The following TGFBR3L variants were observed in gnomAD, a reference collection of about 807,000 sequenced individuals.
TGFBR3L encodes transforming growth factor beta receptor 3 like, also known as transforming growth factor-beta receptor type 3-like protein.
TGFBR3L carries 21 observed loss-of-function variants against 20.4 expected under a neutral mutation model. The observed-to-expected ratio is 1.03, with a 90% CI of 0.73 to 1.48. The LOEUF (loss-of-function observed/expected upper bound fraction) is 1.48. Among genes scored for constraint, TGFBR3L ranks in the 40% most tolerant of loss-of-function variants. The pLI is 0.00. For synonymous variants in TGFBR3L, 245 were observed against 244.2 expected (o/e 1.00, Z -0.03); for missense variants, 479 against 498.0 (o/e 0.96, Z 0.36).
chr19:7,917,864 C>G lies in TGFBR3L; in HGVS notation c.883+5C>G. 7.3e-7 allele frequency: 1 copy of G among 1,370,528 alleles called. No homozygotes were observed. Among genetic ancestry groups the G allele is most frequent in the Non-Finnish European group, 9.4e-7 (1 of 1,069,212 alleles). The allele number at this position is 1,370,528 out of a possible 1,614,324, so 84.9% of individuals were successfully genotyped here. On this transcript the variant is annotated splice_donor_5th_base_variant and intron_variant, in intron 4 of 5. Coordinates refer to ENST00000565886, the MANE Select transcript of TGFBR3L (RefSeq NM_001195259.2). Reference sequence around the variant, plus strand: ...GTCTCGTCTGTGCGCACTCAGGTACCGACGACCTCCGCCAAGCCGGGCCCC... The same window carrying G: ...GTCTCGTCTGTGCGCACTCAGGTACGGACGACCTCCGCCAAGCCGGGCCCC...
Position 7,915,304 on chromosome 19 carries a change from G to T in TGFBR3L, c.-964G>T, listed in dbSNP as rs1983230997. 6.6e-6 allele frequency among the ~76,000 whole-genome samples: 1 copy of T among 152,132 alleles called. No individual in the cohort carries two copies. The highest frequency in any genetic ancestry group is 1.5e-5 in the Non-Finnish European group (1 of 68,026). ...GTCACTCTCTTTCAACTAGACCTTT[G>T]GTGGTGGTCCTCATGGGGGTGGGGA... On this transcript the variant is annotated 5_prime_UTR_variant, in exon 1 of 6. Transcript: ENST00000565886.
At position 7,916,687 on chromosome 19, in the gene TGFBR3L, C is replaced by T. The variant is rs531499048; in HGVS notation, c.342C>T (p.Ser114=). 3.7e-5 allele frequency: 53 copies of T among 1,432,570 alleles called. No homozygotes were observed. In the South Asian group the frequency reaches 7.3e-4, roughly 20 times the overall value. 88.7% of individuals were successfully genotyped at this position (1,432,570 alleles called of 1,614,324 possible). Residue 114 remains serine, a synonymous_variant, in exon 2 of 6, where the codon TCC becomes TCT. Coordinates refer to ENST00000565886, the MANE Select transcript of TGFBR3L (RefSeq NM_001195259.2). ...TGCACCGCTGCTCAGTGACGCCGTC[C>T]TCACGCCCGGCCCCGGGGCCCGCCC...
chr19:7,916,643 C>T lies in TGFBR3L; in HGVS notation c.298C>T (p.Pro100Ser). Residue 100 changes from proline (P) to serine (S), a missense_variant, in exon 2 of 6, where the codon CCG becomes TCG. Pro to Ser is a moderately conservative substitution (Grantham distance 74, BLOSUM62 -1). Coordinates refer to ENST00000565886, the MANE Select transcript of TGFBR3L (RefSeq NM_001195259.2). ...CCAGGCGGCCTTGGCCCGTCCCTCC[C>T]CGCGCTGGGGCCTGGCCCTGCACCG... The T allele has an allele frequency of 1.4e-6, 2 of 1,422,516 alleles. No homozygotes were observed. The highest frequency in any genetic ancestry group is 1.8e-6 in the Non-Finnish European group (2 of 1,099,748). 88.1% of individuals were successfully genotyped at this position (1,422,516 alleles called of 1,614,324 possible).
chr19:7,917,040 A>T, intron 2 of TGFBR3L, 98 bp downstream of exon 3: 4 of 1,062,410 alleles, frequency 3.8e-6, no homozygotes, highest in Non-Finnish European at 3.6e-6. Flanking sequence ...TCGGGGTCTG[A>T]GGATCTGGGG....
Position 7,917,743 on chromosome 19 carries a change from C to A in TGFBR3L, c.767C>A (p.Pro256His). 1 of 1,433,560 alleles carries A rather than the reference C, an allele frequency of 7.0e-7. No individual in the cohort carries two copies. Among genetic ancestry groups the A allele is most frequent in the South Asian group, 1.4e-5 (1 of 70,752 alleles). The allele number at this position is 1,433,560 out of a possible 1,614,324, so 88.8% of individuals were successfully genotyped here. ...CCCGGCCGTGCAGTGCGCCCTGAGC[C>A]TCCCGCGCCGGCCCCCGCGGCCCTG... Residue 256 changes from proline to histidine, a missense_variant, in exon 4 of 6, where the codon CCT becomes CAT. Coordinates refer to ENST00000565886, the MANE Select transcript of TGFBR3L (RefSeq NM_001195259.2).
At chr19:7,918,219 TTTTG>T (rs374138798) in intron 5 of TGFBR3L, 90 bp downstream of exon 6, 197,474 of 1,247,420 alleles carry the variant, frequency 0.16, 21,327 homozygotes, top group Admixed American at 0.2. Flanking sequence ...ACTGTGGTTT[TTTTG>T]TTTGTTTGTT....
intron 5 of TGFBR3L, 93 bp downstream of exon 6, chr19:7,918,222 TG>T (rs1983408230): frequency 2.1e-4 from 156 of 752,356 alleles, no homozygotes; most frequent in Middle Eastern, 3.3e-4. Flanking sequence ...GTGGTTTTTT[TG>T]TTTGTTTGTT....
chr19:7,917,946 G>C (rs899552228), intron 4 of TGFBR3L, 87 bp downstream of exon 5: 1 of 1,409,430 alleles, frequency 7.1e-7, no homozygotes, highest in Non-Finnish European at 9.2e-7. Flanking sequence ...TGCGGGGCCT[G>C]ATCAACCCTA....
At position 7,916,949 on chromosome 19, in the gene TGFBR3L, G is replaced by C; in HGVS notation, c.597+7G>C. ...GCCGCCGCCGCCATCGCGGGTGCGC[G>C]GGCGCAGAGCCTGGAATCCGGGCGC... is the stretch of plus-strand genomic sequence containing the variant. On this transcript the variant is annotated splice_region_variant and intron_variant, in intron 2 of 5. Transcript: ENST00000565886. 1.6e-6 allele frequency: 2 copies of C among 1,282,660 alleles called. No homozygotes were observed. 79.5% of individuals were successfully genotyped at this position (1,282,660 alleles called of 1,614,324 possible).
rs1268528032 is a variant in TGFBR3L, at chr19:7,915,739, GA to G, written c.-525del. 3.3e-5 allele frequency among the ~76,000 whole-genome samples: 5 copies of G among 152,200 alleles called. No homozygotes were observed. The highest frequency in any genetic ancestry group is 1.2e-4 in the African/African-American group (5 of 41,444). ...GGCGACAGAGGGAGACCCTGTCTCAGAAAACAAGAAAAATGGATGTGCAGGC... is the reference window on the plus strand; with the variant it reads ...GGCGACAGAGGGAGACCCTGTCTCAGAAACAAGAAAAATGGATGTGCAGGC... On this transcript the variant is annotated 5_prime_UTR_variant, in exon 1 of 6. Transcript: ENST00000565886.
chr19:7,916,462 G>C lies in TGFBR3L; in HGVS notation c.195G>C (p.Leu65=), dbSNP rs1490564497. 6.5e-7 allele frequency: 1 copy of C among 1,533,820 alleles called. No individual in the cohort carries two copies. The highest frequency in any genetic ancestry group is 8.7e-7 in the Non-Finnish European group (1 of 1,145,760). ...GGCTGCGCAGACCCCTCTTCAGCCT[G>C]AAGCTGTCCGACACAGAGGACGTCT... Residue 65 remains leucine, a synonymous_variant, in exon 1 of 6, where the codon CTG becomes CTC. Transcript: ENST00000565886.
At position 7,915,058 on chromosome 19, in the gene TGFBR3L, T is replaced by C. The variant is rs1324284239; in HGVS notation, c.-1210T>C. Among the ~76,000 whole-genome samples the C allele has an allele frequency of 6.6e-6, 1 of 152,066 alleles. No homozygotes were observed. The highest frequency in any genetic ancestry group is 1.5e-5 in the Non-Finnish European group (1 of 68,006). On this transcript the variant is annotated 5_prime_UTR_variant, in exon 1 of 6. Transcript: ENST00000565886. ...GGCGCAATCTCCACTCACCGCAACC[T>C]CCGCCTCCCCGGTTCAAGTGATTCT...
Position 7,917,772 on chromosome 19 carries a change from CCCG to C in TGFBR3L, c.798_800del (p.Ala267del). The C allele has an allele frequency of 6.9e-7, 1 of 1,441,690 alleles. No homozygotes were observed. The highest frequency in any genetic ancestry group is 9.0e-7 in the Non-Finnish European group (1 of 1,105,360). The allele number at this position is 1,441,690 out of a possible 1,614,324, so 89.3% of individuals were successfully genotyped here. A position where few individuals can be genotyped will look rare whatever the true frequency, so the allele number is the denominator to read the frequency against. ...CGCGCCGGCCCCCGCGGCCCTGGAA[CCCG>C]CGCCGGTGGTGGCGCTGGTGTTGGC... On this transcript the variant is annotated inframe_deletion, in exon 4 of 6. Coordinates refer to ENST00000565886, the MANE Select transcript of TGFBR3L (RefSeq NM_001195259.2).
In TGFBR3L at chr19:7,916,919, C is replaced by A; in HGVS notation, c.574C>A (p.Pro192Thr). ...CCGGGCGCCTGCGCCTCTGACGCCG[C>A]CGCCGCCGCCGCCGCCATCGCGGGT... Residue 192 changes from proline (P) to threonine (T), a missense_variant, in exon 2 of 6, where the codon CCG becomes ACG. By Grantham distance (38) the Pro-to-Thr change is conservative. Transcript: ENST00000565886. 1 of 1,293,412 alleles carries A rather than the reference C, an allele frequency of 7.7e-7. No individual in the cohort carries two copies. 80.1% of individuals were successfully genotyped at this position (1,293,412 alleles called of 1,614,324 possible).
intron 5 of TGFBR3L, 23 bp downstream of exon 6, chr19:7,918,152 C>A: frequency 6.5e-7 from 1 of 1,533,916 alleles, no homozygotes; most frequent in Non-Finnish European, 8.7e-7. Flanking sequence ...GTGGAGGGAG[C>A]TGGGTGAGGT....
At position 7,916,240 on chromosome 19, in the gene TGFBR3L, CAG is replaced by C. The variant is rs1040412708; in HGVS notation, c.-27_-26del. ...GGGTCGCCAGGGGGCACATCACCGT[CAG>C]GGGGGAAAGTGGCGCGGAGCCCATC... On this transcript the variant is annotated 5_prime_UTR_variant, in exon 1 of 6. Transcript: ENST00000565886. 10 of 1,526,622 alleles carry C rather than the reference CAG, an allele frequency of 6.6e-6. No individual in the cohort carries two copies. Among genetic ancestry groups the C allele is most frequent in the Non-Finnish European group, 7.9e-6 (9 of 1,141,436 alleles). 94.6% of individuals were successfully genotyped at this position (1,526,622 alleles called of 1,614,324 possible).
chr19:7,917,457 C>T lies in TGFBR3L; in HGVS notation c.598-16C>T, dbSNP rs1364283147. The T allele has an allele frequency of 6.6e-7, 1 of 1,522,296 alleles. No individual in the cohort carries two copies. Among genetic ancestry groups the T allele is most frequent in the African/African-American group, 1.4e-5 (1 of 71,446 alleles). The allele number at this position is 1,522,296 out of a possible 1,614,324, so 94.3% of individuals were successfully genotyped here. ...CCCTGATGTCCCCGTCTCTTCCCCA[C>T]CTTCCTCTCCCCCAGTGTCTGCCTC... On this transcript the variant is annotated splice_polypyrimidine_tract_variant and intron_variant, in intron 2 of 5. Transcript: ENST00000565886.
rs1319043915 is a variant in TGFBR3L, at chr19:7,916,021, GCCTGTCCTGCT to G, written c.-246_-236del. On this transcript the variant is annotated 5_prime_UTR_variant, in exon 1 of 6. Coordinates refer to ENST00000565886, the MANE Select transcript of TGFBR3L (RefSeq NM_001195259.2). ...CTATCTCCCCTTAGAAAGGGGAGCC[GCCTGTCCTGCT>G]GCGTCCCCAAGAGCAGCCCTGGGGA... The G allele has an allele frequency of 1.6e-6, 1 of 623,390 alleles. No homozygotes were observed. The highest frequency in any genetic ancestry group is 2.6e-6 in the Non-Finnish European group (1 of 379,868). The allele number at this position is 623,390 out of a possible 1,614,324, so 38.6% of individuals were successfully genotyped here.
At chr19:7,918,815 A>T (rs1348259876) in intron 5 of TGFBR3L, 102 bp from the exon 7 acceptor site, 2 of 397,256 alleles carry the variant, frequency 5.0e-6, no homozygotes, top group Admixed American at 4.4e-5. Flanking sequence ...TCCCACTCTC[A>T]CCCCGGCATG....
Sources: allele counts gnomAD v4.1 joint callset (sites outside exome capture counted in the v4.1 genomes callset), GRCh38; gene constraint gnomAD v4.1.1; transcripts MANE v1.5; gene names NCBI Gene and HGNC (gene_info 2026-07-23, HGNC 2026-07-21).